Variants in EPHA6 observed in about 807,000 individuals in gnomAD.
EPHA6 encodes the protein EPH receptor A6.
In EPHA6, 50 loss-of-function variants were observed where a neutral mutation model predicts 112.0. That is an observed-to-expected ratio of 0.45 (90% CI 0.36 to 0.56). EPHA6 has a LOEUF of 0.56. Ranked by LOEUF, EPHA6 falls within the 20% of genes least tolerant of loss-of-function variation. The pLI, the probability that EPHA6 is intolerant of heterozygous loss-of-function variation, is 0.00. For missense variants in EPHA6, 1,280 were observed against 1,417.4 expected, an observed-to-expected ratio of 0.90 and a Z score of 1.56; for synonymous variants, 529 against 490.7, an observed-to-expected ratio of 1.08 and a Z score of -1.03.
intron 3 of EPHA6, among the ~76,000 whole-genome samples, chr3:97,217,346 C>T (rs1216499648): frequency 6.6e-6 from 1 of 152,064 alleles, no homozygotes; most frequent in Admixed American, 6.6e-5. Flanking sequence ...AAAAGTATGT[C>T]ACTTTTCTAA....
At chr3:97,370,824 T>A (rs1380574909) in intron 5 of EPHA6, among the ~76,000 whole-genome samples, 2 of 152,116 alleles carry the variant, frequency 1.3e-5, no homozygotes, top group East Asian at 3.8e-4. Context: ...ATAATCACCA[T>A]TTTTTCAAAG....
intron 5 of EPHA6, among the ~76,000 whole-genome samples, chr3:97,369,906 A>G (rs1006045194): frequency 6.6e-6 from 1 of 152,198 alleles, no homozygotes; most frequent in South Asian, 2.1e-4. Flanking sequence ...AAAGTTTTCA[A>G]TCTTTTATTC....
chr3:97,492,941 A>T (rs1339664622), intron 10 of EPHA6, among the ~76,000 whole-genome samples: 1 of 150,120 alleles, frequency 6.7e-6, no homozygotes, highest in African/African-American at 2.4e-5. Context: ...GATCTTTATT[A>T]TATCTAATTT....
intron 3 of EPHA6, among the ~76,000 whole-genome samples, chr3:97,037,929 A>T (rs150207355): frequency 6.6e-6 from 1 of 152,160 alleles, no homozygotes; most frequent in Admixed American, 6.6e-5. Context: ...GGAAAAAATG[A>T]GTTTCATTGT....
intron 3 of EPHA6, among the ~76,000 whole-genome samples, chr3:97,169,745 GT>G (rs990840815): frequency 2.6e-5 from 4 of 151,868 alleles, no homozygotes; most frequent in Non-Finnish European, 5.9e-5. Flanking sequence ...CCTCACCTTA[GT>G]TTTTTCATTT....
At chr3:96,817,764 C>T (rs1183178330) in intron 1 of EPHA6, among the ~76,000 whole-genome samples, 4 of 151,844 alleles carry the variant, frequency 2.6e-5, no homozygotes, top group African/African-American at 9.7e-5. Flanking sequence ...AACCCCCACC[C>T]CAATCCCCAT....
At chr3:97,094,404 C>G (rs908519213) in intron 3 of EPHA6, among the ~76,000 whole-genome samples, 21 of 152,056 alleles carry the variant, frequency 1.4e-4, no homozygotes, top group African/African-American at 4.1e-4. Context: ...ACTTTCTATT[C>G]TCATTATATC....
intron 13 of EPHA6, chr3:97,612,331 G>T: frequency 5.2e-6 from 2 of 383,682 alleles, no homozygotes; most frequent in Admixed American, 3.3e-5. Context: ...TGATGCTTGG[G>T]TTAGGTTGGT....
At chr3:97,160,323 G>A (rs2076383518) in intron 3 of EPHA6, among the ~76,000 whole-genome samples, 3 of 152,018 alleles carry the variant, frequency 2.0e-5, no homozygotes, top group Non-Finnish European at 4.4e-5. Context: ...CTGTCACCCA[G>A]TGCAGTGCAG....
At chr3:97,249,021 A>G (rs2079059618) in intron 5 of EPHA6, among the ~76,000 whole-genome samples, 1 of 151,656 alleles carries the variant, frequency 6.6e-6, no homozygotes, top group African/African-American at 2.4e-5. Context: ...TATTCTTTTA[A>G]AAACCTATGC....
intron 6 of EPHA6, among the ~76,000 whole-genome samples, chr3:97,447,215 T>C (rs1341332936): frequency 6.6e-6 from 1 of 152,140 alleles, no homozygotes; most frequent in East Asian, 1.9e-4. Flanking sequence ...TTTTCATAGT[T>C]CTAAATCTTA....
intron 14 of EPHA6, among the ~76,000 whole-genome samples, chr3:97,713,014 G>T (rs1201529208): frequency 6.6e-6 from 1 of 151,450 alleles, no homozygotes; most frequent in Non-Finnish European, 1.5e-5. Context: ...AAAATACACT[G>T]TAAAACAAAT....
In EPHA6 at chr3:97,753,155, T is replaced by C. The variant is rs538842049; in HGVS notation, c.*4454T>C. Reference sequence around the variant, plus strand: ...TGTTCCACAAAGACAGTATAGATTTTATCTAGTTCAGCTTAACAAATATCT... The same window carrying C: ...TGTTCCACAAAGACAGTATAGATTTCATCTAGTTCAGCTTAACAAATATCT... On this transcript the variant is annotated 3_prime_UTR_variant, in exon 18 of 18. Coordinates refer to ENST00000389672, the MANE Select transcript of EPHA6 (RefSeq NM_001080448.3). Among the ~76,000 whole-genome samples, 20 of 152,276 alleles carry C rather than the reference T, an allele frequency of 1.3e-4. No individual in the cohort carries two copies. The South Asian group carries it at 3.5e-3, about 27-fold the overall frequency.
intron 5 of EPHA6, among the ~76,000 whole-genome samples, chr3:97,298,899 G>A (rs2080980531): frequency 6.6e-6 from 1 of 151,810 alleles, no homozygotes; most frequent in Non-Finnish European, 1.5e-5. Flanking sequence ...AAATATATAG[G>A]ATATGATTAG....
intron 6 of EPHA6, among the ~76,000 whole-genome samples, chr3:97,420,115 T>A (rs1480388601): frequency 6.6e-6 from 1 of 152,156 alleles, no homozygotes. Context: ...AGTTTGAGAA[T>A]CATTTGTTTA....
chr3:97,689,421 T>A (rs1318956332), intron 14 of EPHA6, among the ~76,000 whole-genome samples: 1 of 152,190 alleles, frequency 6.6e-6, no homozygotes, highest in Non-Finnish European at 1.5e-5. Context: ...GCTAGATATA[T>A]AAAAATTAAT....
intron 11 of EPHA6, among the ~76,000 whole-genome samples, chr3:97,559,134 T>A (rs1436189298): frequency 1.3e-5 from 2 of 152,002 alleles, no homozygotes; most frequent in Non-Finnish European, 2.9e-5. Context: ...CAAAAGGAAC[T>A]TTTCCAAAAC....
chr3:97,187,014 C>T (rs1251555433), intron 3 of EPHA6, among the ~76,000 whole-genome samples: 1 of 152,104 alleles, frequency 6.6e-6, no homozygotes, highest in Non-Finnish European at 1.5e-5. Flanking sequence ...CAACACCATA[C>T]TTTTATAACC....
At chr3:97,704,198 G>C (rs1013293763) in intron 14 of EPHA6, among the ~76,000 whole-genome samples, 3 of 152,180 alleles carry the variant, frequency 2.0e-5, no homozygotes, top group Admixed American at 2.0e-4. Context: ...CCTAAGGGAT[G>C]CCTGGACATC....
Sources: gnomAD v4.1 joint callset for allele counts (sites outside exome capture counted in the v4.1 genomes callset) on GRCh38, gnomAD v4.1.1 for gene constraint, MANE v1.5 for transcripts, NCBI Gene and HGNC (gene_info 2026-07-23, HGNC 2026-07-21) for gene names.